The following MACROD2 variants were observed in gnomAD, a reference collection of about 807,000 sequenced individuals.
MACROD2 encodes mono-ADP ribosylhydrolase 2.
MACROD2 carries 36 observed loss-of-function variants against 70.4 expected under a neutral mutation model. The ratio of observed to expected loss-of-function variants is 0.51; its 90% CI spans 0.39 to 0.68. The LOEUF is 0.68. Ranked by LOEUF, MACROD2 falls within the 30% of genes least tolerant of loss-of-function variation. The pLI, the probability that MACROD2 is intolerant of heterozygous loss-of-function variation, is 0.00. For synonymous variants in MACROD2, 172 were observed against 178.8 expected (o/e 0.96, Z 0.30); for missense variants, 496 against 538.4 (o/e 0.92, Z 0.78).
intron 4 of MACROD2, among the ~76,000 whole-genome samples, chr20:14,558,473 G>A (rs1356566984): frequency 6.6e-6 from 1 of 151,548 alleles, no homozygotes; most frequent in East Asian, 1.9e-4. Flanking sequence ...AACAATATAG[G>A]TAGGTAGAAA....
At chr20:14,649,431 G>C (rs1985563298) in intron 4 of MACROD2, among the ~76,000 whole-genome samples, 5 of 152,184 alleles carry the variant, frequency 3.3e-5, no homozygotes, top group Admixed American at 3.3e-4. Flanking sequence ...CATCTCCGTT[G>C]CTTATAGGAA....
Position 16,044,593 on chromosome 20 carries a change from C to T in MACROD2, c.1254C>T (p.Asp418=). 1 of 1,609,914 alleles carries T rather than the reference C, an allele frequency of 6.2e-7. No homozygotes were observed. Among genetic ancestry groups the T allele is most frequent in the Non-Finnish European group, 8.5e-7 (1 of 1,178,476 alleles). The change falls in exon 17 of 18, where the codon GAC becomes GAT. Residue 418 remains aspartate, a synonymous_variant. Transcript: ENST00000684519. ...CAGTTGAAATGAATAGTCAGGTTGA[C>T]AAGGTAAATGACCCAACAGAGAGTC... ...GPDVEMNSQV[D]KVNDPTESQQ...
At chr20:14,012,799 C>T (rs745811423) in intron 2 of MACROD2, among the ~76,000 whole-genome samples, 1 of 152,218 alleles carries the variant, frequency 6.6e-6, no homozygotes, top group African/African-American at 2.4e-5. Flanking sequence ...CAGAGGTGTT[C>T]AGCCTCACAC....
At chr20:14,858,278 C>G (rs1254482848) in intron 5 of MACROD2, among the ~76,000 whole-genome samples, 1 of 151,980 alleles carries the variant, frequency 6.6e-6, no homozygotes, top group South Asian at 2.1e-4. Flanking sequence ...TGTGGTTAAC[C>G]CGATGCAGGA....
chr20:14,902,165 A>G (rs2073902586), intron 5 of MACROD2, among the ~76,000 whole-genome samples: 1 of 152,214 alleles, frequency 6.6e-6, no homozygotes. Context: ...ATTAACCTCT[A>G]ATTTAATCCT....
At chr20:14,892,054 A>G (rs1194440308) in intron 5 of MACROD2, among the ~76,000 whole-genome samples, 1 of 152,118 alleles carries the variant, frequency 6.6e-6, no homozygotes, top group Admixed American at 6.6e-5. Flanking sequence ...ATCATAATCT[A>G]TTTACTCTCC....
chr20:14,007,854 T>C (rs866047427), intron 2 of MACROD2, among the ~76,000 whole-genome samples: 1 of 152,204 alleles, frequency 6.6e-6, no homozygotes, highest in South Asian at 2.1e-4. Context: ...GTTTAGATTG[T>C]CTTTTTGAGT....
intron 10 of MACROD2, among the ~76,000 whole-genome samples, chr20:15,922,845 C>T (rs1263770584): frequency 8.5e-5 from 13 of 152,220 alleles, no homozygotes; most frequent in Admixed American, 2.0e-4. Context: ...ATGTCCAGAA[C>T]AGAGGGAGCT....
chr20:15,977,334 T>C (rs897387185), intron 13 of MACROD2, among the ~76,000 whole-genome samples: 15 of 152,204 alleles, frequency 9.9e-5, no homozygotes, highest in Non-Finnish European at 2.2e-4. Context: ...AAGACATAGC[T>C]ATGAACCTAG....
intron 3 of MACROD2, among the ~76,000 whole-genome samples, chr20:14,121,161 C>T (rs1452082805): frequency 6.6e-6 from 1 of 151,980 alleles, no homozygotes; most frequent in African/African-American, 2.4e-5. Context: ...ACTCTAGTAA[C>T]GATTCTGTCA....
At chr20:14,768,105 G>A (rs138433507) in intron 5 of MACROD2, among the ~76,000 whole-genome samples, 3,332 of 152,192 alleles carry the variant, frequency 0.022, 139 homozygotes, top group African/African-American at 0.076. Context: ...ACATATGTGT[G>A]CATGTGTCTT....
At chr20:15,766,896 A>G (rs1023155139) in intron 8 of MACROD2, among the ~76,000 whole-genome samples, 1 of 152,148 alleles carries the variant, frequency 6.6e-6, no homozygotes, top group African/African-American at 2.4e-5. Context: ...GCTTGTTTTC[A>G]TGGTGGCAGA....
chr20:14,524,051 G>A (rs1001522026), intron 4 of MACROD2, among the ~76,000 whole-genome samples: 2 of 152,200 alleles, frequency 1.3e-5, no homozygotes, highest in Non-Finnish European at 2.9e-5. Flanking sequence ...AAGGATGATA[G>A]AATGTGCTTA....
chr20:14,456,112 G>A (rs565037518), intron 3 of MACROD2, among the ~76,000 whole-genome samples: 4 of 151,788 alleles, frequency 2.6e-5, no homozygotes, highest in East Asian at 1.9e-4. Context: ...CTAGGTAATA[G>A]CATATTAATA....
chr20:14,899,950 T>G (rs2073876202), intron 5 of MACROD2, among the ~76,000 whole-genome samples: 2 of 152,182 alleles, frequency 1.3e-5, no homozygotes, highest in Non-Finnish European at 2.9e-5. Context: ...AATTACTAAA[T>G]AACTTTTATC....
At chr20:15,343,439 A>C (rs2078131363) in intron 6 of MACROD2, among the ~76,000 whole-genome samples, 1 of 152,202 alleles carries the variant, frequency 6.6e-6, no homozygotes, top group Non-Finnish European at 1.5e-5. Flanking sequence ...AGTGATTCAG[A>C]AGAAGGCTTC....
At chr20:15,427,470 C>T (rs2046313700) in intron 6 of MACROD2, among the ~76,000 whole-genome samples, 1 of 152,088 alleles carries the variant, frequency 6.6e-6, no homozygotes, top group Non-Finnish European at 1.5e-5. Flanking sequence ...CAGATCAGTT[C>T]CCAGAAAACA....
chr20:14,020,854 C>T (rs2053066542), intron 2 of MACROD2, among the ~76,000 whole-genome samples: 1 of 152,122 alleles, frequency 6.6e-6, no homozygotes, highest in Admixed American at 6.5e-5. Context: ...TGATGGGTTA[C>T]TCTTTCATCT....
At chr20:15,497,185 G>A (rs2047308910) in intron 7 of MACROD2, among the ~76,000 whole-genome samples, 1 of 152,182 alleles carries the variant, frequency 6.6e-6, no homozygotes, top group Admixed American at 6.5e-5. Context: ...TGTATTAAAG[G>A]GAAGTATCCA....
Sources: gnomAD v4.1 joint callset for allele counts (sites outside exome capture counted in the v4.1 genomes callset) on GRCh38, gnomAD v4.1.1 for gene constraint, MANE v1.5 for transcripts, NCBI Gene and HGNC (gene_info 2026-07-23, HGNC 2026-07-21) for gene names.